POU2F3: variants seen among roughly 807,000 people sequenced by gnomAD.
The protein encoded by POU2F3 is POU class 2 homeobox 3.
A neutral mutation model predicts 59.2 loss-of-function variants in POU2F3; 23 were observed. The observed-to-expected ratio is 0.39, with a 90% CI of 0.28 to 0.55. The LOEUF is 0.55. Ranked by LOEUF, POU2F3 falls within the 20% of genes least tolerant of loss-of-function variation. POU2F3 has a pLI of 0.66. For missense variants in POU2F3, 473 were observed against 544.5 expected (o/e 0.87, Z 1.31); for synonymous variants, 190 against 214.6 (o/e 0.89, Z 1.00).
At chr11:120,292,247 C>G (rs551713096) in intron 3 of POU2F3, among the ~76,000 whole-genome samples, 6 of 152,244 alleles carry the variant, frequency 3.9e-5, no homozygotes, top group African/African-American at 9.6e-5. Context: ...AAGTCAGGAT[C>G]CTGATTGATT....
At chr11:120,293,331 CA>C (rs1941088281) in intron 3 of POU2F3, among the ~76,000 whole-genome samples, 1 of 152,182 alleles carries the variant, frequency 6.6e-6, no homozygotes, top group Non-Finnish European at 1.5e-5. Context: ...ATCCCCCAAG[CA>C]AAAATGCAGC....
intron 2 of POU2F3, among the ~76,000 whole-genome samples, chr11:120,248,861 C>T (rs140047273): frequency 1.3e-5 from 2 of 152,312 alleles, no homozygotes; most frequent in Non-Finnish European, 2.9e-5. Context: ...GGTTTAATGG[C>T]TTCCTTTGGA....
chr11:120,303,471 G>A (rs1379360358), intron 6 of POU2F3: 3 of 152,334 alleles, frequency 2.0e-5, no homozygotes, highest in Admixed American at 1.3e-4. Context: ...TGATTGAGGA[G>A]ATGCTTTGGG....
intron 3 of POU2F3, among the ~76,000 whole-genome samples, chr11:120,277,297 T>C (rs1262056983): frequency 6.6e-6 from 1 of 150,540 alleles, no homozygotes; most frequent in Non-Finnish European, 1.5e-5. Context: ...TCTCAAAAAA[T>C]AAAAAATAAA....
chr11:120,240,155 GC>G lies in POU2F3; in HGVS notation c.-188del, dbSNP rs974703684. The G allele has an allele frequency of 8.0e-5, 96 of 1,203,110 alleles. 1 individual carries two copies. In the African/African-American group the frequency reaches 1.4e-3, roughly 18 times the overall value. 74.5% of individuals were successfully genotyped at this position (1,203,110 alleles called of 1,614,324 possible). On this transcript the variant is annotated 5_prime_UTR_variant, in exon 1 of 13. Coordinates refer to ENST00000543440, the MANE Select transcript of POU2F3 (RefSeq NM_014352.4). The stretch of plus-strand genomic sequence containing the variant: ...TCACCTGGGGAGTGTGGCAATCCTG[GC>G]GGCGCCGAGTGTTGCCCGGGCCGGA...
chr11:120,237,917 C>T, upstream of POU2F3, among the ~76,000 whole-genome samples: 1 of 152,096 alleles, frequency 6.6e-6, no homozygotes, highest in East Asian at 1.9e-4. Context: ...TCCAATAAGC[C>T]CTTGCTGGTC....
intron 8 of POU2F3, among the ~76,000 whole-genome samples, chr11:120,306,116 GCA>G (rs1443052817): frequency 6.6e-6 from 1 of 152,210 alleles, no homozygotes; most frequent in African/African-American, 2.4e-5. Context: ...ATACACTTAT[GCA>G]GATTGCTGTC....
intron 3 of POU2F3, among the ~76,000 whole-genome samples, chr11:120,277,349 G>A (rs1370895841): frequency 6.6e-6 from 1 of 152,046 alleles, no homozygotes; most frequent in East Asian, 1.9e-4. Flanking sequence ...GGCAGATCTG[G>A]ACAGAAGGCC....
chr11:120,317,162 T>C, intron 11 of POU2F3, 67 bp from the exon 12 acceptor site: 1 of 1,581,532 alleles, frequency 6.3e-7, no homozygotes, highest in Non-Finnish European at 8.7e-7. Flanking sequence ...TCTGAGGGGC[T>C]ATGTCCCGAT....
At chr11:120,283,799 G>GTGTGTGTGTGTGTGTA (rs1940671169) in intron 3 of POU2F3, among the ~76,000 whole-genome samples, 1 of 150,100 alleles carries the variant, frequency 6.7e-6, no homozygotes, top group African/African-American at 2.5e-5. Context: ...GTGTGTGTGT[G>GTGTGTGTGTGTGTGTA]TGTGTGTGTG....
In POU2F3 at chr11:120,246,468, T is replaced by G; in HGVS notation, c.48T>G (p.Asp16Glu). 1 of 1,613,764 alleles carries G rather than the reference T, an allele frequency of 6.2e-7. No homozygotes were observed. Among genetic ancestry groups the G allele is most frequent in the Non-Finnish European group, 8.5e-7 (1 of 1,179,958 alleles). Reference protein sequence around the residue: ...SMHTDIKMSGDVADSTDARST... With the variant: ...SMHTDIKMSGEVADSTDARST... ...CTGCAGATATCAAGATGAGTGGGGA[T>G]GTAGCCGATTCCACGGATGCTCGCA... Residue 16 changes from aspartate to glutamate, a missense_variant, in exon 2 of 13, where the codon GAT (aspartate) becomes GAG (glutamate). Physicochemically the swap from Asp to Glu is conservative, Grantham distance 45 (BLOSUM62 2). Transcript: ENST00000543440.
At chr11:120,252,281 A>G (rs1461538929) in intron 2 of POU2F3, among the ~76,000 whole-genome samples, 1 of 140,376 alleles carries the variant, frequency 7.1e-6, no homozygotes, top group Non-Finnish European at 1.5e-5. Context: ...ATCTTGGCTC[A>G]CTGCAACCTC....
chr11:120,264,803 C>T (rs1481932450), intron 2 of POU2F3, among the ~76,000 whole-genome samples: 1 of 152,194 alleles, frequency 6.6e-6, no homozygotes, highest in Non-Finnish European at 1.5e-5. Context: ...CAGTCCAGGA[C>T]TCTTTCTAAG....
intron 3 of POU2F3, among the ~76,000 whole-genome samples, chr11:120,284,033 G>A (rs1940685123): frequency 6.6e-6 from 1 of 152,022 alleles, no homozygotes; most frequent in South Asian, 2.1e-4. Context: ...CAAAAAATTA[G>A]TGGGGCACGG....
intron 2 of POU2F3, among the ~76,000 whole-genome samples, chr11:120,250,851 C>T (rs1939066710): frequency 6.6e-6 from 1 of 152,120 alleles, no homozygotes; most frequent in African/African-American, 2.4e-5. Context: ...GTAGTGGGCA[C>T]CTGTAATCCC....
intron 2 of POU2F3, among the ~76,000 whole-genome samples, chr11:120,268,694 T>C (rs1035767670): frequency 5.9e-5 from 9 of 152,316 alleles, no homozygotes; most frequent in African/African-American, 2.2e-4. Flanking sequence ...CCAACATTTA[T>C]GGTAACAGTT....
At chr11:120,308,855 C>T (rs1941570050) in intron 9 of POU2F3, among the ~76,000 whole-genome samples, 1 of 139,744 alleles carries the variant, frequency 7.2e-6, no homozygotes, top group African/African-American at 2.6e-5. Flanking sequence ...GAGAGAATTG[C>T]TTGAACCCGG....
intron 3 of POU2F3, 93 bp downstream of exon 3, chr11:120,269,337 T>C: frequency 9.1e-7 from 1 of 1,096,082 alleles, no homozygotes; most frequent in Non-Finnish European, 1.4e-6. Context: ...TTAAGTACAG[T>C]TTGGGGGTGT....
chr11:120,294,321 C>A (rs1006155090), intron 3 of POU2F3, among the ~76,000 whole-genome samples: 1 of 152,176 alleles, frequency 6.6e-6, no homozygotes, highest in Admixed American at 6.5e-5. Context: ...GGCAGAGCAC[C>A]CTGTGGTGAC....
Sources: gnomAD v4.1 joint callset for allele counts (sites outside exome capture counted in the v4.1 genomes callset) on GRCh38, gnomAD v4.1.1 for gene constraint, MANE v1.5 for transcripts, NCBI Gene and HGNC (gene_info 2026-07-23, HGNC 2026-07-21) for gene names.